Variants in FLT3 observed in about 807,000 individuals in gnomAD.
The protein encoded by FLT3 is fms related receptor tyrosine kinase 3, also known as receptor-type tyrosine-protein kinase FLT3.
Under a neutral mutation model 126.6 loss-of-function variants are expected in FLT3, and 46 were observed. The ratio of observed to expected loss-of-function variants is 0.36; its 90% CI spans 0.29 to 0.46. FLT3 has a LOEUF of 0.46. FLT3 is among the 20% of genes least tolerant of loss of function. The pLI, the probability that FLT3 is intolerant of heterozygous loss-of-function variation, is 1.00. For missense variants in FLT3, 1,069 were observed against 1,190.3 expected (o/e 0.90, Z 1.50); for synonymous variants, 404 against 434.4 (o/e 0.93, Z 0.87).
chr13:28,030,560 G>T (rs2137662552), intron 15 of FLT3, among the ~76,000 whole-genome samples: 1 of 152,192 alleles, frequency 6.6e-6, no homozygotes, highest in East Asian at 1.9e-4. Context: ...ACAATACAGT[G>T]CCATAAATGC....
chr13:28,048,668 A>C (rs561215597), intron 8 of FLT3, among the ~76,000 whole-genome samples: 96 of 152,310 alleles, frequency 6.3e-4, no homozygotes, highest in African/African-American at 2.3e-3. Flanking sequence ...AAAAAAAGAA[A>C]GAAGGAAAGA....
intron 9 of FLT3, among the ~76,000 whole-genome samples, chr13:28,039,356 C>A (rs1360232590): frequency 6.6e-6 from 1 of 151,778 alleles, no homozygotes; most frequent in Non-Finnish European, 1.5e-5. Flanking sequence ...TGCCCGCCAC[C>A]ACGCCCGGCT....
At chr13:28,088,208 CA>C (rs1338883827) in intron 1 of FLT3, among the ~76,000 whole-genome samples, 2 of 152,070 alleles carry the variant, frequency 1.3e-5, no homozygotes, top group Non-Finnish European at 2.9e-5. Flanking sequence ...TAGGTGGGAT[CA>C]AAGCAGTGTT....
At position 28,061,737 on chromosome 13, in the gene FLT3, C is replaced by T; in HGVS notation, c.368+130G>A. 5.9e-6 allele frequency: 4 copies of T among 678,158 alleles called. No individual in the cohort carries two copies. The South Asian group carries it at 7.6e-5, about 13-fold the overall frequency. The allele number at this position is 678,158 out of a possible 1,614,324, so 42.0% of individuals were successfully genotyped here. On this transcript the variant is annotated intron_variant, in intron 3 of 23. Transcript: ENST00000241453. ...AGTGAGACAAGATTGTGCCACTCTA[C>T]TCCAGCCTGGGTGACAGAGAGAGAC...
intron 9 of FLT3, 82 bp from the exon 10 acceptor site, chr13:28,037,370 G>C (rs1319982832): frequency 1.2e-6 from 1 of 826,226 alleles, no homozygotes; most frequent in Non-Finnish European, 2.1e-6. Flanking sequence ...CATGGGAGGT[G>C]TCTTCCTTGA....
chr13:28,084,208 G>A (rs1391532158), intron 1 of FLT3, among the ~76,000 whole-genome samples: 1 of 151,772 alleles, frequency 6.6e-6, no homozygotes. Flanking sequence ...ACCCAGGCTG[G>A]TCTTGAACTC....
chr13:28,052,116 C>T (rs545146221), intron 5 of FLT3, among the ~76,000 whole-genome samples: 4 of 151,430 alleles, frequency 2.6e-5, no homozygotes, highest in Non-Finnish European at 4.4e-5. Context: ...TTTTTTGAGA[C>T]GGAGTTTCGC....
chr13:28,080,045 C>G (rs1315445424), intron 1 of FLT3, among the ~76,000 whole-genome samples: 4 of 152,192 alleles, frequency 2.6e-5, no homozygotes, highest in African/African-American at 9.7e-5. Context: ...TATCCACCCC[C>G]AGGACCCAAA....
chr13:28,047,338 G>A (rs1874972739), intron 9 of FLT3, among the ~76,000 whole-genome samples: 1 of 152,306 alleles, frequency 6.6e-6, no homozygotes, highest in African/African-American at 2.4e-5. Context: ...AAAGAGACAA[G>A]AGATGTCATA....
intron 1 of FLT3, among the ~76,000 whole-genome samples, chr13:28,077,902 C>T (rs1231433229): frequency 6.6e-6 from 1 of 152,212 alleles, no homozygotes; most frequent in Non-Finnish European, 1.5e-5. Flanking sequence ...AGGGCCTATG[C>T]AAGTCTGAAA....
At chr13:28,016,150 G>C (rs1278714087) in intron 20 of FLT3, among the ~76,000 whole-genome samples, 5 of 152,116 alleles carry the variant, frequency 3.3e-5, no homozygotes, top group African/African-American at 4.8e-5. Flanking sequence ...TACCAGTCTG[G>C]CTTCTGTGGC....
Position 28,079,189 on chromosome 13 carries a change from C to T in FLT3, c.44-8577G>A, listed in dbSNP as rs145737477. ...CATCTTTCTCAAGTTCAAAGTTCCACAAATCTCTAGGACAAGGGCAAAATG... is the reference window on the plus strand; with the variant it reads ...CATCTTTCTCAAGTTCAAAGTTCCATAAATCTCTAGGACAAGGGCAAAATG... On this transcript the variant is annotated intron_variant, in intron 1 of 23. Transcript: ENST00000241453. 3.0e-3 allele frequency among the ~76,000 whole-genome samples: 450 copies of T among 152,294 alleles called. 11 individuals carry two copies. The highest frequency in any genetic ancestry group is 1.3e-3 in the East Asian group (7 of 5,188).
chr13:28,086,837 G>C (rs1878707676), intron 1 of FLT3, among the ~76,000 whole-genome samples: 1 of 151,960 alleles, frequency 6.6e-6, no homozygotes, highest in Non-Finnish European at 1.5e-5. Context: ...AGTACAGATG[G>C]GGTTCCACCA....
chr13:28,017,395 T>C (rs1457540226), intron 20 of FLT3, among the ~76,000 whole-genome samples: 1 of 152,042 alleles, frequency 6.6e-6, no homozygotes, highest in Non-Finnish European at 1.5e-5. Context: ...GCTAGTTTTT[T>C]ATTTTTTATA....
At chr13:28,099,031 T>C (rs1231844990) in intron 1 of FLT3, among the ~76,000 whole-genome samples, 1 of 152,202 alleles carries the variant, frequency 6.6e-6, no homozygotes, top group African/African-American at 2.4e-5. Flanking sequence ...CACGTACATA[T>C]GTGAAAACTA....
chr13:28,030,584 A>AGAC (rs1873232306), intron 15 of FLT3, among the ~76,000 whole-genome samples: 1 of 152,178 alleles, frequency 6.6e-6, no homozygotes, highest in Admixed American at 6.5e-5. Flanking sequence ...ACGGCAGGCA[A>AGAC]GACGTGGGTC....
chr13:28,025,824 C>G (rs1294554999), intron 17 of FLT3, among the ~76,000 whole-genome samples: 2 of 152,048 alleles, frequency 1.3e-5, no homozygotes, highest in East Asian at 3.9e-4. Context: ...TTAAGGGCAG[C>G]TGCACACGGA....
chr13:28,058,512 C>CA (rs1876242138), intron 3 of FLT3, among the ~76,000 whole-genome samples: 1 of 152,042 alleles, frequency 6.6e-6, no homozygotes, highest in Admixed American at 6.6e-5. Flanking sequence ...AACTCCATCT[C>CA]AAAAAATAAA....
At chr13:28,050,452 A>G (rs1404850006) in intron 5 of FLT3, among the ~76,000 whole-genome samples, 4 of 152,228 alleles carry the variant, frequency 2.6e-5, no homozygotes, top group Admixed American at 2.6e-4. Context: ...TTACATAACA[A>G]AACAGTTTAA....
Sources: gnomAD v4.1 joint callset for allele counts (sites outside exome capture counted in the v4.1 genomes callset) on GRCh38, gnomAD v4.1.1 for gene constraint, MANE v1.5 for transcripts, NCBI Gene and HGNC (gene_info 2026-07-23, HGNC 2026-07-21) for gene names.